GRM5: variants seen among roughly 807,000 people sequenced by gnomAD.
GRM5 encodes glutamate metabotropic receptor 5.
In GRM5, 19 loss-of-function variants were observed where a neutral mutation model predicts 83.1. That is an observed-to-expected ratio of 0.23 (90% CI 0.16 to 0.34). The LOEUF (loss-of-function observed/expected upper bound fraction) is 0.34. Among genes scored for constraint, GRM5 ranks in the 10% least tolerant of loss-of-function variants. The pLI is 1.00. For synonymous variants in GRM5, 675 were observed against 633.6 expected, an observed-to-expected ratio of 1.07 and a Z score of -0.98; for missense variants, 1,160 against 1,588.3, an observed-to-expected ratio of 0.73 and a Z score of 4.58.
chr11:88,573,881 A>G (rs1943054566), intron 7 of GRM5, among the ~76,000 whole-genome samples: 1 of 152,202 alleles, frequency 6.6e-6, no homozygotes, highest in Admixed American at 6.5e-5. Flanking sequence ...CAGAATCAGA[A>G]TTCTGTGTCT....
rs1260355520 is a variant in GRM5, at chr11:88,593,211, G to A, written c.1564-2484C>T. Among the ~76,000 whole-genome samples the A allele has an allele frequency of 2.0e-5, 3 of 152,070 alleles. No homozygotes were observed. In the East Asian group the frequency reaches 5.8e-4, roughly 29 times the overall value. ...ATGGAAACTAAGTTTACAAACTCTG[G>A]AAAATGCCATGAGATGTTGATATCA... On this transcript the variant is annotated intron_variant, in intron 6 of 9. Coordinates refer to ENST00000305447, the MANE Select transcript of GRM5 (RefSeq NM_001143831.3).
intron 3 of GRM5, among the ~76,000 whole-genome samples, chr11:88,679,851 G>A (rs111495500): frequency 6.6e-6 from 1 of 151,990 alleles, no homozygotes; most frequent in Non-Finnish European, 1.5e-5. Flanking sequence ...TTTAAATAAG[G>A]CACCATTCTA....
chr11:88,511,306 C>G (rs1395740068), intron 9 of GRM5, among the ~76,000 whole-genome samples: 1 of 152,206 alleles, frequency 6.6e-6, no homozygotes, highest in African/African-American at 2.4e-5. Flanking sequence ...TTGGAATCCA[C>G]CAGCCTTGAG....
chr11:88,836,751 C>T (rs902001005), intron 3 of GRM5, among the ~76,000 whole-genome samples: 8 of 151,984 alleles, frequency 5.3e-5, no homozygotes, highest in East Asian at 3.9e-4. Flanking sequence ...CTTGACATAC[C>T]GCCACTGCAC....
chr11:88,706,553 C>T (rs939325587), intron 3 of GRM5, among the ~76,000 whole-genome samples: 11 of 151,988 alleles, frequency 7.2e-5, no homozygotes, highest in African/African-American at 2.4e-4. Flanking sequence ...TATCATCTAA[C>T]CCAGGAAATT....
Position 88,993,193 on chromosome 11 carries a change from G to C in GRM5, c.661+54019C>G, listed in dbSNP as rs555723559. ...AGGCAGAAGAAGGGCGTGAGTCCAG[G>C]AGGCAGAGCTTGCAGTGAGCCGAGA... On this transcript the variant is annotated intron_variant, in intron 2 of 9. Transcript: ENST00000305447. Among the ~76,000 whole-genome samples the C allele has an allele frequency of 5.3e-5, 8 of 149,996 alleles. 1 individual carries two copies. The highest frequency in any genetic ancestry group is 2.0e-4 in the African/African-American group (8 of 40,742).
chr11:88,971,699 T>G (rs181300373), intron 2 of GRM5, among the ~76,000 whole-genome samples: 1 of 152,272 alleles, frequency 6.6e-6, no homozygotes, highest in Non-Finnish European at 1.5e-5. Context: ...GGCATTTAGG[T>G]TGATTCCATA....
intron 2 of GRM5, among the ~76,000 whole-genome samples, chr11:88,967,120 G>T (rs1938999199): frequency 6.6e-6 from 1 of 151,770 alleles, no homozygotes; most frequent in African/African-American, 2.4e-5. Context: ...TTTACACAGT[G>T]ACAGACAATC....
At chr11:88,687,679 GA>G (rs950464887) in intron 3 of GRM5, among the ~76,000 whole-genome samples, 5 of 137,796 alleles carry the variant, frequency 3.6e-5, no homozygotes, top group African/African-American at 1.4e-4. Context: ...GTTTCACTAG[GA>G]AAAATGGTAA....
At chr11:88,517,079 C>T (rs1426924011) in intron 9 of GRM5, among the ~76,000 whole-genome samples, 1 of 150,984 alleles carries the variant, frequency 6.6e-6, no homozygotes, top group Non-Finnish European at 1.5e-5. Flanking sequence ...TACAGCTATT[C>T]CTGATTAATG....
chr11:89,061,918 C>T (rs1299419462), intron 1 of GRM5, among the ~76,000 whole-genome samples: 1 of 152,142 alleles, frequency 6.6e-6, no homozygotes, highest in Non-Finnish European at 1.5e-5. Context: ...TATATTTTGT[C>T]ATGTGGAGTG....
At chr11:88,587,352 G>A (rs961014170) in intron 7 of GRM5, among the ~76,000 whole-genome samples, 1 of 152,092 alleles carries the variant, frequency 6.6e-6, no homozygotes, top group African/African-American at 2.4e-5. Context: ...ACACAGACAG[G>A]GAGGAATAAA....
intron 4 of GRM5, among the ~76,000 whole-genome samples, chr11:88,631,595 A>C (rs1443896386): frequency 6.6e-6 from 1 of 152,154 alleles, no homozygotes; most frequent in Non-Finnish European, 1.5e-5. Context: ...GGCAGGGCTA[A>C]GTAACTGGCC....
intron 4 of GRM5, among the ~76,000 whole-genome samples, chr11:88,633,691 T>C (rs1409643833): frequency 1.3e-5 from 2 of 152,100 alleles, no homozygotes; most frequent in African/African-American, 2.4e-5. Context: ...TATTATTAGT[T>C]TTTGTAAAGA....
chr11:88,824,528 G>T (rs1943860245), intron 3 of GRM5, among the ~76,000 whole-genome samples: 1 of 152,092 alleles, frequency 6.6e-6, no homozygotes, highest in Non-Finnish European at 1.5e-5. Flanking sequence ...GGGGCAGGGG[G>T]GTGGTTTCAG....
chr11:88,515,245 A>G (rs1453211753), intron 9 of GRM5, among the ~76,000 whole-genome samples: 1 of 152,096 alleles, frequency 6.6e-6, no homozygotes, highest in Non-Finnish European at 1.5e-5. Context: ...GTCATCACAG[A>G]TATTTCCTTC....
At chr11:88,671,668 G>A (rs189965446) in intron 3 of GRM5, among the ~76,000 whole-genome samples, 23 of 152,064 alleles carry the variant, frequency 1.5e-4, no homozygotes, top group Admixed American at 5.3e-4. Context: ...GAAAATATAC[G>A]GAAAGGAGAA....
intron 8 of GRM5, among the ~76,000 whole-genome samples, chr11:88,537,857 A>G (rs1942170968): frequency 1.3e-5 from 2 of 152,184 alleles, no homozygotes; most frequent in Admixed American, 6.5e-5. Flanking sequence ...ACTAATGGCA[A>G]AGTGAAGATA....
At chr11:88,984,843 A>G in intron 2 of GRM5, 1 of 726,462 alleles carries the variant, frequency 1.4e-6, no homozygotes, top group Non-Finnish European at 2.6e-6. Context: ...GAATCATTCC[A>G]TCTAATTTCT....
Sources: gnomAD v4.1 joint callset for allele counts (sites outside exome capture counted in the v4.1 genomes callset) on GRCh38, gnomAD v4.1.1 for gene constraint, MANE v1.5 for transcripts, NCBI Gene and HGNC (gene_info 2026-07-23, HGNC 2026-07-21) for gene names.